The following MARK3 variants were observed in gnomAD, a reference collection of about 807,000 sequenced individuals.
MARK3 encodes the protein MAP/microtubule affinity-regulating kinase 3.
Under a neutral mutation model 90.1 loss-of-function variants are expected in MARK3, and 46 were observed. That is an observed-to-expected ratio of 0.51 (90% CI 0.40 to 0.65). The LOEUF is 0.65. Among genes scored for constraint, MARK3 ranks in the 30% least tolerant of loss-of-function variants. MARK3 has a pLI of 0.00. For missense variants in MARK3, 818 were observed against 947.2 expected (o/e 0.86, Z 1.79); for synonymous variants, 321 against 332.6 (o/e 0.97, Z 0.38).
chr14:103,385,903 A>C lies in MARK3; in HGVS notation c.-127A>C, dbSNP rs929373310. 1.8e-5 allele frequency: 13 copies of C among 732,474 alleles called. No individual in the cohort carries two copies. In the Admixed American group the frequency reaches 1.8e-4, roughly 10 times the overall value. The allele number at this position is 732,474 out of a possible 1,614,324, so 45.4% of individuals were successfully genotyped here. A position where few individuals can be genotyped will look rare whatever the true frequency, so the allele number is the denominator to read the frequency against. ...CGGGATCTAGACGGCCGTAGGGGGA[A>C]GGGAGCCGCCCTCCCCACGGCGCCT... is the stretch of plus-strand genomic sequence containing the variant. On this transcript the variant is annotated 5_prime_UTR_variant, in exon 1 of 18. Coordinates refer to ENST00000429436, the MANE Select transcript of MARK3 (RefSeq NM_001128918.3).
At chr14:103,404,969 G>T in intron 1 of MARK3, 107 bp from the exon 2 acceptor site, 1 of 744,536 alleles carries the variant, frequency 1.3e-6, no homozygotes, top group Non-Finnish European at 2.1e-6. Flanking sequence ...GATACTTTAA[G>T]ATTAAAATTA....
At chr14:103,425,249 A>T (rs1009315426) in intron 2 of MARK3, among the ~76,000 whole-genome samples, 11 of 146,750 alleles carry the variant, frequency 7.5e-5, no homozygotes, top group East Asian at 6.0e-4. Flanking sequence ...CTATTTATTT[A>T]TTATTTATTT....
rs2089732439 is a variant in MARK3 at position 103,385,687 on chromosome 14, T to G, written c.-343T>G. On this transcript the variant is annotated 5_prime_UTR_variant, in exon 1 of 18. Coordinates refer to ENST00000429436, the MANE Select transcript of MARK3 (RefSeq NM_001128918.3). ...AAATTCGCGGTGCGACGGGAGGGAG[T>G]GGAGAAGGAGGTGAGGGGGCCCAGG... 4 of 215,132 alleles carry G rather than the reference T, an allele frequency of 1.9e-5. No individual in the cohort carries two copies. Among genetic ancestry groups the G allele is most frequent in the Non-Finnish European group, 2.7e-5 (3 of 110,568 alleles). The allele number at this position is 215,132 out of a possible 1,614,324, so 13.3% of individuals were successfully genotyped here. A position where few individuals can be genotyped will look rare whatever the true frequency, so the allele number is the denominator to read the frequency against.
intron 7 of MARK3, among the ~76,000 whole-genome samples, chr14:103,463,769 A>C (rs2141540729): frequency 6.6e-6 from 1 of 152,318 alleles, no homozygotes; most frequent in African/African-American, 2.4e-5. Flanking sequence ...TTAAGGAAAC[A>C]CAAATAAGAT....
At chr14:103,481,101 A>T (rs934794033) in intron 14 of MARK3, among the ~76,000 whole-genome samples, 5 of 152,226 alleles carry the variant, frequency 3.3e-5, no homozygotes, top group Admixed American at 6.5e-5. Flanking sequence ...TATCATGCAC[A>T]TGATTTTCTT....
intron 17 of MARK3, among the ~76,000 whole-genome samples, chr14:103,501,424 C>T (rs1350131856): frequency 6.6e-6 from 1 of 152,248 alleles, no homozygotes; most frequent in Non-Finnish European, 1.5e-5. Context: ...GTGCCACCAG[C>T]TGTTGTGGGG....
intron 17 of MARK3, among the ~76,000 whole-genome samples, chr14:103,502,169 C>G (rs2075705151): frequency 6.6e-6 from 1 of 152,228 alleles, no homozygotes; most frequent in Admixed American, 6.5e-5. Context: ...GACATCAGAC[C>G]AAGGCTTACA....
At chr14:103,454,283 C>T (rs574490489) in intron 5 of MARK3, among the ~76,000 whole-genome samples, 162 of 151,180 alleles carry the variant, frequency 1.1e-3, no homozygotes, top group Admixed American at 2.9e-3. Context: ...GACAGGGTCT[C>T]ACTCTGTTGC....
At chr14:103,481,298 A>G (rs961881632) in intron 14 of MARK3, among the ~76,000 whole-genome samples, 4 of 152,238 alleles carry the variant, frequency 2.6e-5, no homozygotes, top group Non-Finnish European at 5.9e-5. Flanking sequence ...TGTTTTTGGA[A>G]GAGCAGTAAG....
Position 103,480,427 on chromosome 14 carries a change from AT to A in MARK3, c.1524del (p.Tyr508Ter), listed in dbSNP as rs1201122707. ...ASGGMTRRNT[Y>X]VCSERTTADR... ...GGTGGAATGACACGACGAAATACTT[AT>A]GTTTGCAGTGAGAGAACTACAGCTG... On this transcript the variant is annotated frameshift_variant, in exon 14 of 18. Coordinates refer to ENST00000429436, the MANE Select transcript of MARK3 (RefSeq NM_001128918.3). LOFTEE classifies it high-confidence loss of function. 1.2e-6 allele frequency: 2 copies of A among 1,613,628 alleles called. No individual in the cohort carries two copies. The highest frequency in any genetic ancestry group is 1.3e-5 in the African/African-American group (1 of 74,914).
intron 12 of MARK3, among the ~76,000 whole-genome samples, chr14:103,470,453 C>CAATTTTT (rs1299534465): frequency 1.2e-4 from 3 of 24,184 alleles, no homozygotes; most frequent in African/African-American, 2.5e-4. Context: ...GGAACTAAAT[C>CAATTTTT]TATTTTTTTT....
chr14:103,482,610 G>A (rs578111299), intron 14 of MARK3, among the ~76,000 whole-genome samples: 10 of 152,130 alleles, frequency 6.6e-5, no homozygotes, highest in African/African-American at 2.2e-4. Flanking sequence ...ATATGTGACT[G>A]TCTGAGGTGC....
At chr14:103,406,445 C>T (rs1220549033) in intron 2 of MARK3, among the ~76,000 whole-genome samples, 1 of 149,002 alleles carries the variant, frequency 6.7e-6, no homozygotes, top group Non-Finnish European at 1.5e-5. Flanking sequence ...CCATGTTAGT[C>T]AGGCTGGTTT....
intron 2 of MARK3, among the ~76,000 whole-genome samples, chr14:103,416,156 A>G (rs1351985712): frequency 6.6e-6 from 1 of 152,184 alleles, no homozygotes; most frequent in East Asian, 1.9e-4. Context: ...ATTGGCCAAA[A>G]TGTTCTAGCT....
intron 1 of MARK3, among the ~76,000 whole-genome samples, chr14:103,389,943 C>CAAA (rs71126011): frequency 0.018 from 544 of 29,542 alleles, 27 homozygotes; most frequent in African/African-American, 0.044. Context: ...TACTCCGTCT[C>CAAA]AAAAAAAAAA....
intron 3 of MARK3, among the ~76,000 whole-genome samples, chr14:103,429,899 C>T (rs1356785689): frequency 6.6e-6 from 1 of 152,150 alleles, no homozygotes; most frequent in Non-Finnish European, 1.5e-5. Context: ...TAACAGTTTT[C>T]CCGGAAAAAT....
chr14:103,437,540 T>C (rs764677455), intron 3 of MARK3, among the ~76,000 whole-genome samples: 4 of 152,228 alleles, frequency 2.6e-5, no homozygotes, highest in Non-Finnish European at 5.9e-5. Context: ...GATTCCAATC[T>C]GCCTTCCAAG....
intron 14 of MARK3, among the ~76,000 whole-genome samples, chr14:103,488,517 A>G (rs1595912984): frequency 6.6e-6 from 1 of 152,300 alleles, no homozygotes; most frequent in South Asian, 2.1e-4. Flanking sequence ...CTCAGACTGT[A>G]TAAATTCTCC....
intron 3 of MARK3, among the ~76,000 whole-genome samples, chr14:103,445,857 A>T (rs11622320): frequency 0.26 from 39,096 of 151,990 alleles, 6,190 homozygotes; most frequent in Middle Eastern, 0.43. Context: ...CAGAACTGTG[A>T]CAACTCTGTA....
Sources: allele counts gnomAD v4.1 joint callset (sites outside exome capture counted in the v4.1 genomes callset), GRCh38; gene constraint gnomAD v4.1.1; transcripts MANE v1.5; gene names NCBI Gene and HGNC (gene_info 2026-07-23, HGNC 2026-07-21).